GPC5: variants seen among roughly 807,000 people sequenced by gnomAD.
GPC5 encodes glypican-5.
GPC5 carries 47 observed loss-of-function variants against 53.9 expected under a neutral mutation model. The ratio of observed to expected loss-of-function variants is 0.87; its 90% CI spans 0.69 to 1.11. The LOEUF (loss-of-function observed/expected upper bound fraction) is 1.11, where lower values mean the gene tolerates loss of function less well. Ranked by LOEUF, GPC5 falls within the 50% of genes most tolerant of loss-of-function variation. GPC5 has a pLI of 0.00. For missense variants in GPC5, 748 were observed against 713.1 expected (o/e 1.05, Z -0.56); for synonymous variants, 286 against 263.3 (o/e 1.09, Z -0.84).
intron 2 of GPC5, among the ~76,000 whole-genome samples, chr13:91,538,581 ATT>A (rs11374916): frequency 1.7e-4 from 22 of 129,216 alleles, no homozygotes; most frequent in Admixed American, 1.7e-4. Flanking sequence ...ATTGCAAATA[ATT>A]TTTTTTTTTT....
intron 2 of GPC5, among the ~76,000 whole-genome samples, chr13:91,614,570 G>T (rs1160841702): frequency 6.6e-6 from 1 of 151,656 alleles, no homozygotes; most frequent in African/African-American, 2.4e-5. Context: ...AGAGATGAAT[G>T]ATCCTCTTCA....
chr13:92,413,630 G>T (rs936684356), intron 7 of GPC5, among the ~76,000 whole-genome samples: 14 of 152,114 alleles, frequency 9.2e-5, no homozygotes, highest in Admixed American at 2.6e-4. Context: ...GAGGATCAAG[G>T]GTAGTGAAAA....
chr13:91,652,783 C>T (rs1191582242), intron 2 of GPC5, among the ~76,000 whole-genome samples: 1 of 152,166 alleles, frequency 6.6e-6, no homozygotes, highest in Non-Finnish European at 1.5e-5. Flanking sequence ...GTTTGGTCAA[C>T]TTAAAGGGAA....
intron 2 of GPC5, among the ~76,000 whole-genome samples, chr13:91,570,795 A>G (rs965852093): frequency 6.6e-6 from 1 of 152,152 alleles, no homozygotes; most frequent in Non-Finnish European, 1.5e-5. Flanking sequence ...TTTTGCTTCT[A>G]ATTTAGATGT....
At chr13:91,988,324 G>A (rs1296732986) in intron 6 of GPC5, among the ~76,000 whole-genome samples, 1 of 152,124 alleles carries the variant, frequency 6.6e-6, no homozygotes, top group African/African-American at 2.4e-5. Context: ...CACAGAGAGA[G>A]AATTCAGAAT....
chr13:92,229,187 T>C (rs970611833), intron 7 of GPC5, among the ~76,000 whole-genome samples: 2 of 152,004 alleles, frequency 1.3e-5, no homozygotes, highest in Non-Finnish European at 2.9e-5. Context: ...AGTGGGGAAG[T>C]GAGGTACAAA....
chr13:91,728,395 T>C, intron 3 of GPC5, 137 bp from the exon 4 acceptor site: 1 of 620,884 alleles, frequency 1.6e-6, no homozygotes, highest in Non-Finnish European at 2.6e-6. Flanking sequence ...ACAAACATTA[T>C]ATATACATAT....
At chr13:92,231,471 T>C (rs566585373) in intron 7 of GPC5, among the ~76,000 whole-genome samples, 1 of 152,148 alleles carries the variant, frequency 6.6e-6, no homozygotes, top group Non-Finnish European at 1.5e-5. Context: ...CACTGATAGA[T>C]GCAGAGACCC....
intron 7 of GPC5, among the ~76,000 whole-genome samples, chr13:92,584,622 T>C (rs540364064): frequency 5.3e-5 from 8 of 152,228 alleles, no homozygotes; most frequent in African/African-American, 1.9e-4. Flanking sequence ...CTGCAGAAAT[T>C]TGCATAAGTA....
At position 91,572,067 on chromosome 13, in the gene GPC5, A is replaced by G. The variant is rs1416135198; in HGVS notation, c.326-121120A>G. Among the ~76,000 whole-genome samples, 47 of 136,706 alleles carry G rather than the reference A, an allele frequency of 3.4e-4. 2 individuals are homozygous for G. In the South Asian group the frequency reaches 9.7e-3, roughly 28 times the overall value. The allele number at this position is 136,706 out of a possible 152,430, so 89.7% of individuals were successfully genotyped here. ...TACACACATATGTATATATACATGT[A>G]TATACACACATATGTATATGTACAT... On this transcript the variant is annotated intron_variant, in intron 2 of 7. Coordinates refer to ENST00000377067, the MANE Select transcript of GPC5 (RefSeq NM_004466.6).
intron 7 of GPC5, among the ~76,000 whole-genome samples, chr13:92,471,446 G>A (rs1482424244): frequency 1.3e-5 from 2 of 151,964 alleles, no homozygotes; most frequent in Non-Finnish European, 2.9e-5. Context: ...AACACGCTGA[G>A]GTCTTTTGGT....
intron 7 of GPC5, among the ~76,000 whole-genome samples, chr13:92,337,003 GA>G (rs2043328435): frequency 1.3e-5 from 2 of 151,966 alleles, no homozygotes; most frequent in Admixed American, 6.6e-5. Flanking sequence ...AACAGCATGG[GA>G]AAAACCTACC....
At chr13:92,684,559 A>G (rs1404704695) in intron 7 of GPC5, among the ~76,000 whole-genome samples, 3 of 151,984 alleles carry the variant, frequency 2.0e-5, no homozygotes, top group African/African-American at 7.2e-5. Context: ...ATGAGCCACC[A>G]CACCCAGCCG....
At chr13:91,575,478 A>G (rs1196883986) in intron 2 of GPC5, among the ~76,000 whole-genome samples, 1 of 152,146 alleles carries the variant, frequency 6.6e-6, no homozygotes, top group Non-Finnish European at 1.5e-5. Flanking sequence ...TGGAAAATAG[A>G]GATGTTGAGA....
intron 6 of GPC5, among the ~76,000 whole-genome samples, chr13:92,055,650 G>T (rs551884813): frequency 5.3e-5 from 8 of 152,244 alleles, no homozygotes; most frequent in Non-Finnish European, 1.0e-4. Flanking sequence ...GAGTTGAAAT[G>T]CTTGTTTCCT....
chr13:92,172,398 G>A (rs1341702891), intron 7 of GPC5, among the ~76,000 whole-genome samples: 6 of 152,156 alleles, frequency 3.9e-5, no homozygotes, highest in East Asian at 1.9e-4. Flanking sequence ...GTAAAACCAC[G>A]GGATGACTCA....
intron 1 of GPC5, among the ~76,000 whole-genome samples, chr13:91,438,037 G>T (rs1880121318): frequency 9.2e-6 from 1 of 109,108 alleles, no homozygotes; most frequent in African/African-American, 3.1e-5. Context: ...GGACTTCTCT[G>T]CATTGGTTAT....
intron 2 of GPC5, among the ~76,000 whole-genome samples, chr13:91,600,462 A>C (rs1157587676): frequency 6.6e-6 from 1 of 152,076 alleles, no homozygotes; most frequent in African/African-American, 2.4e-5. Flanking sequence ...AGCCTGGGCA[A>C]CAGAGTGAGA....
chr13:92,405,091 G>A lies in GPC5; in HGVS notation c.1561+260102G>A, dbSNP rs932617625. Among the ~76,000 whole-genome samples the A allele has an allele frequency of 1.4e-4, 18 of 132,708 alleles. 2 individuals are homozygous for A. Among genetic ancestry groups the A allele is most frequent in the Middle Eastern group, 3.4e-3 (1 of 294 alleles). 87.1% of individuals were successfully genotyped at this position (132,708 alleles called of 152,430 possible). The stretch of plus-strand genomic sequence containing the variant: ...AAATTAAACATTGAAATAAATGTGA[G>A]CTATACATGCATTTAAGAAAGAATA... On this transcript the variant is annotated intron_variant, in intron 7 of 7. Transcript: ENST00000377067.
Sources: gnomAD v4.1 joint callset for allele counts (sites outside exome capture counted in the v4.1 genomes callset) on GRCh38, gnomAD v4.1.1 for gene constraint, MANE v1.5 for transcripts, NCBI Gene and HGNC (gene_info 2026-07-23, HGNC 2026-07-21) for gene names.